PRKCH: variants seen among roughly 807,000 people sequenced by gnomAD.
PRKCH encodes the protein protein kinase C eta type.
Under a neutral mutation model 82.5 loss-of-function variants are expected in PRKCH, and 28 were observed. That is an observed-to-expected ratio of 0.34 (90% CI 0.25 to 0.47). The LOEUF (loss-of-function observed/expected upper bound fraction) is 0.47, where lower values mean the gene tolerates loss of function less well. Among genes scored for constraint, PRKCH ranks in the 20% least tolerant of loss-of-function variants. The pLI, the probability that PRKCH is intolerant of heterozygous loss-of-function variation, is 1.00. For synonymous variants in PRKCH, 322 were observed against 327.4 expected (o/e 0.98, Z 0.18); for missense variants, 705 against 881.8 (o/e 0.80, Z 2.54).
At chr14:61,189,012 G>GC (rs111410012) in intron 1 of PRKCH, among the ~76,000 whole-genome samples, 47,104 of 151,946 alleles carry the variant, frequency 0.31, 7,488 homozygotes, top group Admixed American at 0.39. Context: ...GAGCCACCGC[G>GC]CCAGCCCGTT....
chr14:61,225,737 T>C (rs2140055625), intron 1 of PRKCH, among the ~76,000 whole-genome samples: 1 of 132,556 alleles, frequency 7.5e-6, no homozygotes, highest in South Asian at 2.5e-4. Flanking sequence ...TCTTGGAAGA[T>C]ATACTTTTTT....
chr14:61,401,247 T>C (rs1881601217), intron 2 of PRKCH, among the ~76,000 whole-genome samples: 1 of 152,194 alleles, frequency 6.6e-6, no homozygotes, highest in South Asian at 2.1e-4. Context: ...ATGTACATCT[T>C]AAGCTAGAAC....
chr14:61,240,529 A>T (rs1036943364), intron 1 of PRKCH, among the ~76,000 whole-genome samples: 1 of 152,100 alleles, frequency 6.6e-6, no homozygotes, highest in Non-Finnish European at 1.5e-5. Context: ...AGTTGGGTGG[A>T]CCTGGTTTCT....
At chr14:61,351,844 C>G (rs1305300377) in intron 1 of PRKCH, among the ~76,000 whole-genome samples, 1 of 152,146 alleles carries the variant, frequency 6.6e-6, no homozygotes, top group Non-Finnish European at 1.5e-5. Context: ...CCTTGCATCT[C>G]TTTCTGCTTG....
chr14:61,244,601 A>T (rs538695470), intron 1 of PRKCH, among the ~76,000 whole-genome samples: 1 of 152,302 alleles, frequency 6.6e-6, no homozygotes, highest in South Asian at 2.1e-4. Context: ...CCTCCAGGTG[A>T]TTTGAATGGC....
At chr14:61,281,138 T>G in intron 1 of PRKCH, 1 of 1,380,136 alleles carries the variant, frequency 7.2e-7, no homozygotes, top group Non-Finnish European at 9.3e-7. Flanking sequence ...GCCGTGGCGC[T>G]CCAGGTCATG....
chr14:61,389,008 G>T (rs924794519), intron 1 of PRKCH, among the ~76,000 whole-genome samples: 1 of 152,224 alleles, frequency 6.6e-6, no homozygotes, highest in Admixed American at 6.5e-5. Flanking sequence ...CCTAGGGTAA[G>T]TCCAGTGCAT....
intron 12 of PRKCH, among the ~76,000 whole-genome samples, chr14:61,538,224 G>A (rs936595034): frequency 6.6e-6 from 1 of 152,240 alleles, no homozygotes; most frequent in Non-Finnish European, 1.5e-5. Flanking sequence ...CCTTGAGTAA[G>A]AGGAGTGGTT....
chr14:61,218,357 A>G (rs1434638428), intron 1 of PRKCH, among the ~76,000 whole-genome samples: 2 of 152,188 alleles, frequency 1.3e-5, no homozygotes, highest in Non-Finnish European at 2.9e-5. Flanking sequence ...AAGAAAGCAA[A>G]CAAGAAACGG....
intron 1 of PRKCH, among the ~76,000 whole-genome samples, chr14:61,269,344 G>C (rs945337242): frequency 2.6e-5 from 4 of 151,360 alleles, no homozygotes; most frequent in African/African-American, 9.8e-5. Flanking sequence ...TTACTCCCAG[G>C]AATTTTAATT....
chr14:61,547,764 A>G lies in PRKCH; in HGVS notation c.1783A>G (p.Met595Val). Residue 595 changes from methionine (M) to valine (V), a missense_variant, in exon 13 of 14, where the codon ATG becomes GTG. Met to Val is a conservative substitution (Grantham distance 21, BLOSUM62 1). This residue lies in a region of PRKCH where 115 missense variants were observed against 193.8 expected (regional missense o/e 0.59). Transcript: ENST00000332981. ...LKSFMTKNPT[M>V]RLGSLTQGGE... ...TCAGTTCATGACCAAGAACCCCACCATGCGCTTGGGCAGCCTGACTCAGGG... is the reference window on the plus strand; with the variant it reads ...TCAGTTCATGACCAAGAACCCCACCGTGCGCTTGGGCAGCCTGACTCAGGG... 1.2e-6 allele frequency: 2 copies of G among 1,614,060 alleles called. No individual in the cohort carries two copies. Among genetic ancestry groups the G allele is most frequent in the Non-Finnish European group, 1.7e-6 (2 of 1,179,988 alleles).
intron 2 of PRKCH, among the ~76,000 whole-genome samples, chr14:61,430,119 A>G (rs535483476): frequency 2.6e-5 from 4 of 152,342 alleles, no homozygotes; most frequent in African/African-American, 9.6e-5. Context: ...TCATGATTCA[A>G]TGAAAAGACA....
chr14:61,292,287 C>A (rs942969299), intron 1 of PRKCH, among the ~76,000 whole-genome samples: 5 of 150,874 alleles, frequency 3.3e-5, no homozygotes, highest in African/African-American at 1.2e-4. Context: ...GAGTTCAAGA[C>A]CAGCCTAGGA....
intron 9 of PRKCH, among the ~76,000 whole-genome samples, chr14:61,479,704 G>A (rs751907860): frequency 3.3e-5 from 5 of 152,204 alleles, no homozygotes; most frequent in Non-Finnish European, 7.3e-5. Flanking sequence ...CCATTATTCG[G>A]GGGATATTTT....
At chr14:61,451,778 G>A (rs925967000) in intron 6 of PRKCH, among the ~76,000 whole-genome samples, 1 of 152,202 alleles carries the variant, frequency 6.6e-6, no homozygotes, top group Non-Finnish European at 1.5e-5. Flanking sequence ...GAACAATGGT[G>A]AGGTAGAATT....
At chr14:61,379,543 A>AC (rs2046470305) in intron 1 of PRKCH, among the ~76,000 whole-genome samples, 1 of 152,160 alleles carries the variant, frequency 6.6e-6, no homozygotes, top group African/African-American at 2.4e-5. Flanking sequence ...TTCCTCCATT[A>AC]CAATGGATGA....
At chr14:61,203,890 TGTG>T (rs2044502797) in intron 1 of PRKCH, among the ~76,000 whole-genome samples, 1 of 152,050 alleles carries the variant, frequency 6.6e-6, no homozygotes, top group Non-Finnish European at 1.5e-5. Context: ...AGTGCACACA[TGTG>T]GTGCACACAC....
intron 1 of PRKCH, among the ~76,000 whole-genome samples, chr14:61,285,206 A>G (rs2045303872): frequency 6.6e-6 from 1 of 152,196 alleles, no homozygotes; most frequent in South Asian, 2.1e-4. Flanking sequence ...AAAAATACAT[A>G]CTGCTGGAGT....
chr14:61,490,659 A>G (rs1409767110), intron 10 of PRKCH, among the ~76,000 whole-genome samples: 1 of 152,172 alleles, frequency 6.6e-6, no homozygotes, highest in Non-Finnish European at 1.5e-5. Context: ...TATGCCTGTA[A>G]TCCCAGCATT....
Sources: gnomAD v4.1 joint callset for allele counts (sites outside exome capture counted in the v4.1 genomes callset) on GRCh38, gnomAD v4.1.1 for gene constraint, gnomAD v4.1.1 regional missense constraint, MANE v1.5 for transcripts, NCBI Gene and HGNC (gene_info 2026-07-23, HGNC 2026-07-21) for gene names.